MYO3B: variants seen among roughly 807,000 people sequenced by gnomAD.
MYO3B encodes the protein myosin IIIB, also known as myosin-IIIb.
Under a neutral mutation model 174.6 loss-of-function variants are expected in MYO3B, and 156 were observed. That is an observed-to-expected ratio of 0.89 (90% CI 0.78 to 1.02). The LOEUF is 1.02. Ranked by LOEUF, MYO3B falls within the 50% of genes least tolerant of loss-of-function variation. MYO3B has a pLI of 0.00. For missense variants in MYO3B, 1,632 were observed against 1,639.4 expected, an observed-to-expected ratio of 1.00 and a Z score of 0.08; for synonymous variants, 563 against 569.1, an observed-to-expected ratio of 0.99 and a Z score of 0.15.
chr2:170,402,098 C>A (rs1209465333), intron 18 of MYO3B, among the ~76,000 whole-genome samples: 3 of 152,206 alleles, frequency 2.0e-5, no homozygotes, highest in Non-Finnish European at 4.4e-5. Flanking sequence ...GGGAGCTGGA[C>A]AAACTGGGTT....
chr2:170,319,046 A>G (rs757136477), intron 7 of MYO3B, among the ~76,000 whole-genome samples: 1 of 152,186 alleles, frequency 6.6e-6, no homozygotes, highest in East Asian at 1.9e-4. Context: ...CTAATTTCAG[A>G]TCATGTCTGC....
intron 31 of MYO3B, among the ~76,000 whole-genome samples, chr2:170,543,685 T>A (rs974149574): frequency 6.6e-6 from 1 of 152,170 alleles, no homozygotes; most frequent in Non-Finnish European, 1.5e-5. Context: ...AAGCAAAAGA[T>A]GTTAAGACTT....
At chr2:170,363,051 C>T (rs760457881) in intron 8 of MYO3B, among the ~76,000 whole-genome samples, 11 of 152,232 alleles carry the variant, frequency 7.2e-5, no homozygotes, top group South Asian at 2.1e-4. Flanking sequence ...TTCTGTTTGA[C>T]GATGATAGCA....
chr2:170,212,892 G>C (rs1331916723), intron 3 of MYO3B, among the ~76,000 whole-genome samples: 1 of 152,202 alleles, frequency 6.6e-6, no homozygotes, highest in Non-Finnish European at 1.5e-5. Context: ...ACACTTGCGG[G>C]GCAGGTCAGA....
chr2:170,321,223 G>A (rs2093823416), intron 7 of MYO3B, among the ~76,000 whole-genome samples: 1 of 152,080 alleles, frequency 6.6e-6, no homozygotes, highest in Non-Finnish European at 1.5e-5. Context: ...AAGAATGAAA[G>A]CAAATGAATT....
chr2:170,344,580 A>G (rs2105574617), intron 8 of MYO3B: 1 of 152,284 alleles, frequency 6.6e-6, no homozygotes, highest in Non-Finnish European at 1.5e-5. Context: ...GGAAGCTAAG[A>G]AATACAGTCC....
chr2:170,355,537 T>G (rs2094113796), intron 8 of MYO3B, among the ~76,000 whole-genome samples: 1 of 152,186 alleles, frequency 6.6e-6, no homozygotes, highest in Admixed American at 6.5e-5. Context: ...GAGTAATTAT[T>G]GTCATCATTT....
intron 32 of MYO3B, among the ~76,000 whole-genome samples, chr2:170,569,138 T>C (rs1055942907): frequency 2.0e-5 from 3 of 152,072 alleles, no homozygotes; most frequent in African/African-American, 7.2e-5. Context: ...TTAACCATCA[T>C]GACTACGCTT....
At chr2:170,449,151 A>G (rs755423481) in intron 23 of MYO3B, among the ~76,000 whole-genome samples, 8 of 152,200 alleles carry the variant, frequency 5.3e-5, no homozygotes, top group Admixed American at 1.3e-4. Flanking sequence ...TATTTACTAC[A>G]GATCAGGAAC....
intron 7 of MYO3B, among the ~76,000 whole-genome samples, chr2:170,306,453 T>C (rs2093701242): frequency 6.6e-6 from 1 of 152,222 alleles, no homozygotes; most frequent in Non-Finnish European, 1.5e-5. Context: ...ACTTTATTGT[T>C]TTATGAACTC....
intron 32 of MYO3B, among the ~76,000 whole-genome samples, chr2:170,640,141 G>A (rs1444750879): frequency 6.6e-6 from 1 of 152,206 alleles, no homozygotes; most frequent in Non-Finnish European, 1.5e-5. Context: ...CTGGGAAGGA[G>A]GAGGAACTTT....
intron 8 of MYO3B, among the ~76,000 whole-genome samples, chr2:170,365,351 CAT>C (rs1373184618): frequency 1.3e-5 from 2 of 152,164 alleles, no homozygotes. Flanking sequence ...TAGAAGCAAA[CAT>C]ATGGCTTTTG....
Position 170,382,067 on chromosome 2 carries a change from A to G in MYO3B, c.1023A>G (p.Lys341=). 6.2e-7 allele frequency: 1 copy of G among 1,613,744 alleles called. No individual in the cohort carries two copies. The highest frequency in any genetic ancestry group is 8.5e-7 in the Non-Finnish European group (1 of 1,179,736). ...RRPYHVEDAE[K]YCLEDDLVNL... is the part of the protein sequence containing the mutation. The stretch of plus-strand genomic sequence containing the variant: ...CTTATCATGTGGAAGATGCTGAAAA[A>G]TACTGCCTTGAGGATGATTTGGTCA... Residue 341 remains lysine (K), a synonymous_variant, in exon 10 of 35, where the codon AAA becomes AAG. Transcript: ENST00000408978.
At chr2:170,199,519 T>C (rs375989178) in intron 2 of MYO3B, 128 bp downstream of exon 2, 1 of 750,634 alleles carries the variant, frequency 1.3e-6, no homozygotes, top group Non-Finnish European at 2.1e-6. Context: ...GGGTCATGAT[T>C]TGTCAGCTTC....
At chr2:170,398,525 A>G (rs1231853066) in intron 16 of MYO3B, among the ~76,000 whole-genome samples, 2 of 151,888 alleles carry the variant, frequency 1.3e-5, no homozygotes, top group Admixed American at 6.6e-5. Flanking sequence ...AAAAGTTCGA[A>G]CTCTCTAATC....
intron 8 of MYO3B, among the ~76,000 whole-genome samples, chr2:170,352,657 C>T (rs760512108): frequency 2.0e-5 from 3 of 152,102 alleles, no homozygotes; most frequent in Non-Finnish European, 4.4e-5. Context: ...AATATTCCCA[C>T]CATAGCCAAT....
chr2:170,406,459 A>G (rs142834578), intron 21 of MYO3B, among the ~76,000 whole-genome samples: 1,806 of 152,312 alleles, frequency 0.012, 46 homozygotes, highest in African/African-American at 0.041. Context: ...TTTTCTCTCC[A>G]CATAGTACTT....
intron 7 of MYO3B, among the ~76,000 whole-genome samples, chr2:170,295,665 A>C (rs181123794): frequency 6.6e-6 from 1 of 152,144 alleles, no homozygotes; most frequent in African/African-American, 2.4e-5. Flanking sequence ...TGTTCCATAT[A>C]GTTTTTTGTA....
At chr2:170,604,671 A>G (rs1694706692) in intron 32 of MYO3B, among the ~76,000 whole-genome samples, 1 of 152,210 alleles carries the variant, frequency 6.6e-6, no homozygotes, top group Non-Finnish European at 1.5e-5. Flanking sequence ...TTAAGCAACA[A>G]AAAAAGACAA....
Sources: gnomAD v4.1 joint callset for allele counts (sites outside exome capture counted in the v4.1 genomes callset) on GRCh38, gnomAD v4.1.1 for gene constraint, MANE v1.5 for transcripts, NCBI Gene and HGNC (gene_info 2026-07-23, HGNC 2026-07-21) for gene names.